Variants in EPN2 observed in about 807,000 individuals in gnomAD.
EPN2 encodes epsin-2.
In EPN2, 34 loss-of-function variants were observed where a neutral mutation model predicts 61.7. That is an observed-to-expected ratio of 0.55 (90% CI 0.42 to 0.73). The LOEUF is 0.73. EPN2 is among the 30% of genes least tolerant of loss of function. The pLI, the probability that EPN2 is intolerant of heterozygous loss-of-function variation, is 0.00. For synonymous variants in EPN2, 349 were observed against 353.6 expected (o/e 0.99, Z 0.15); for missense variants, 714 against 839.2 (o/e 0.85, Z 1.84).
At chr17:19,238,064 C>T (rs1159392264) in intron 1 of EPN2, among the ~76,000 whole-genome samples, 1 of 152,228 alleles carries the variant, frequency 6.6e-6, no homozygotes, top group Non-Finnish European at 1.5e-5. Context: ...TCTCACCTTT[C>T]CTGGGGGCTG....
intron 7 of EPN2, among the ~76,000 whole-genome samples, chr17:19,326,333 T>C (rs1906863722): frequency 6.6e-6 from 1 of 152,186 alleles, no homozygotes; most frequent in African/African-American, 2.4e-5. Flanking sequence ...CAAAACAAGA[T>C]TGTGATTTGC....
At chr17:19,274,502 C>T (rs1424791374) in intron 1 of EPN2, 1 of 152,160 alleles carries the variant, frequency 6.6e-6, no homozygotes, top group African/African-American at 2.4e-5. Flanking sequence ...TGTTGATTGA[C>T]CTGTGATTGT....
At chr17:19,298,357 A>G (rs1261885278) in intron 4 of EPN2, among the ~76,000 whole-genome samples, 2 of 151,924 alleles carry the variant, frequency 1.3e-5, no homozygotes, top group Admixed American at 6.6e-5. Context: ...ACCATGCCCA[A>G]TTAATTTTTT....
chr17:19,291,877 A>G (rs955429054), intron 4 of EPN2, among the ~76,000 whole-genome samples: 2 of 151,952 alleles, frequency 1.3e-5, no homozygotes, highest in African/African-American at 4.8e-5. Context: ...TAACAAGGGA[A>G]CCTCAGGGGT....
chr17:19,272,404 C>T (rs1211345206), intron 1 of EPN2, among the ~76,000 whole-genome samples: 2 of 152,108 alleles, frequency 1.3e-5, no homozygotes, highest in African/African-American at 4.8e-5. Flanking sequence ...AATTCTACTC[C>T]CTCAGTTGGT....
Position 19,305,243 on chromosome 17 carries a change from T to C in EPN2, c.767-4642T>C, listed in dbSNP as rs900037847. ...TTCAAGTGATTTTCATGCCTCAGCC[T>C]CCTGGGTAGCTGGGACTACAGGCAC... is the stretch of plus-strand genomic sequence containing the variant. On this transcript the variant is annotated intron_variant, in intron 4 of 10. Transcript: ENST00000314728. 2.6e-5 allele frequency among the ~76,000 whole-genome samples: 4 copies of C among 151,320 alleles called. No individual in the cohort carries two copies. In the Admixed American group the frequency reaches 2.6e-4, roughly 10 times the overall value.
intron 7 of EPN2, among the ~76,000 whole-genome samples, chr17:19,318,622 C>A (rs929995971): frequency 6.8e-6 from 1 of 146,246 alleles, no homozygotes; most frequent in African/African-American, 2.5e-5. Context: ...GTGCATGATA[C>A]AGTTGCAGAG....
chr17:19,322,937 A>G (rs1906710136), intron 7 of EPN2, among the ~76,000 whole-genome samples: 1 of 152,158 alleles, frequency 6.6e-6, no homozygotes, highest in African/African-American at 2.4e-5. Flanking sequence ...TAAGAGAAGC[A>G]TTTGTAGAAT....
intron 7 of EPN2, among the ~76,000 whole-genome samples, chr17:19,322,814 A>G (rs1473385765): frequency 6.6e-6 from 1 of 151,750 alleles, no homozygotes; most frequent in Non-Finnish European, 1.5e-5. Context: ...AGCATTTCAG[A>G]GACGAGAAGG....
At chr17:19,244,873 C>A (rs1004465027) in intron 1 of EPN2, among the ~76,000 whole-genome samples, 1 of 152,206 alleles carries the variant, frequency 6.6e-6, no homozygotes, top group African/African-American at 2.4e-5. Flanking sequence ...TGAACTCCTG[C>A]TGGTATGCCC....
rs1555600084 is a variant in EPN2 at position 19,290,720 on chromosome 17, A to AAAAAAAAAAAAG, written c.766+4935_766+4936insAAAAAAGAAAAA. Among the ~76,000 whole-genome samples, 186 of 105,528 alleles carry AAAAAAAAAAAAG rather than the reference A, an allele frequency of 1.8e-3. 10 individuals carry two copies. Among genetic ancestry groups the AAAAAAAAAAAAG allele is most frequent in the Middle Eastern group, 6.9e-3 (1 of 144 alleles). The allele number at this position is 105,528 out of a possible 152,430, so 69.2% of individuals were successfully genotyped here. On this transcript the variant is annotated intron_variant, in intron 4 of 10. Coordinates refer to ENST00000314728, the MANE Select transcript of EPN2 (RefSeq NM_014964.5). ...GTTCTCAAAAAAAAAAAAAAAGAAA[A>AAAAAAAAAAAAG]AAAAAGAAAAAGGAAGGCAGGCAGA...
At chr17:19,313,456 G>A in intron 7 of EPN2, 177 bp downstream of exon 7, 1 of 483,468 alleles carries the variant, frequency 2.1e-6, no homozygotes, top group Non-Finnish European at 3.6e-6. Context: ...GAGGATGGTG[G>A]CATGGTGTTC....
At chr17:19,251,247 A>G (rs1285013629) in intron 1 of EPN2, among the ~76,000 whole-genome samples, 2 of 152,140 alleles carry the variant, frequency 1.3e-5, no homozygotes, top group Non-Finnish European at 2.9e-5. Context: ...CTCTAGTTCT[A>G]GAAGAGGGAT....
At chr17:19,246,636 T>G (rs896239718) in intron 1 of EPN2, among the ~76,000 whole-genome samples, 1 of 151,688 alleles carries the variant, frequency 6.6e-6, no homozygotes, top group Non-Finnish European at 1.5e-5. Flanking sequence ...GGTGAATAAA[T>G]CAATGTGAGC....
rs1181725750 is a variant in EPN2 at position 19,309,965 on chromosome 17, G to A, written c.847G>A (p.Ala283Thr). 1.2e-6 allele frequency: 2 copies of A among 1,608,490 alleles called. No homozygotes were observed. Among genetic ancestry groups the A allele is most frequent in the Non-Finnish European group, 8.5e-7 (1 of 1,179,978 alleles). The change falls in exon 5 of 11, where the codon GCA becomes ACA. Residue 283 changes from alanine (A) to threonine (T), a missense_variant. This residue lies in a region of EPN2 where 304 missense variants were observed against 417.4 expected (regional missense o/e 0.73). Transcript: ENST00000314728. ...AGAAGAGGAGCTTCAGCTGCAGCTG[G>A]CACTTGCCATGAGCAGAGAAGTGGC... ...SGEEELQLQL[A>T]LAMSREVAEQ...
chr17:19,241,037 T>C (rs1164100569), intron 1 of EPN2, among the ~76,000 whole-genome samples: 1 of 152,128 alleles, frequency 6.6e-6, no homozygotes, highest in African/African-American at 2.4e-5. Context: ...CCTAGGGAGC[T>C]TAAGTTACAT....
At chr17:19,267,071 C>G (rs1813682108) in intron 1 of EPN2, among the ~76,000 whole-genome samples, 1 of 151,248 alleles carries the variant, frequency 6.6e-6, no homozygotes, top group South Asian at 2.1e-4. Context: ...GATCTCCTGA[C>G]CTTGTGATCC....
chr17:19,257,625 C>T (rs970498866), intron 1 of EPN2, among the ~76,000 whole-genome samples: 12 of 151,304 alleles, frequency 7.9e-5, no homozygotes, highest in Non-Finnish European at 1.5e-5. Flanking sequence ...TCAAGTGATT[C>T]TCCTGCCTCC....
intron 10 of EPN2, among the ~76,000 whole-genome samples, chr17:19,332,651 G>A (rs1298020034): frequency 2.0e-5 from 3 of 152,134 alleles, no homozygotes; most frequent in South Asian, 2.1e-4. Flanking sequence ...GTGACATCCA[G>A]CCCCTTGGCG....
Sources: gnomAD v4.1 joint callset for allele counts (sites outside exome capture counted in the v4.1 genomes callset) on GRCh38, gnomAD v4.1.1 for gene constraint, gnomAD v4.1.1 regional missense constraint, MANE v1.5 for transcripts, NCBI Gene and HGNC (gene_info 2026-07-23, HGNC 2026-07-21) for gene names.